ECT2L: variants seen among roughly 807,000 people sequenced by gnomAD.
ECT2L encodes the protein epithelial cell-transforming sequence 2 oncogene-like.
A neutral mutation model predicts 122.8 loss-of-function variants in ECT2L; 126 were observed. The ratio of observed to expected loss-of-function variants is 1.03; its 90% CI spans 0.89 to 1.19. The LOEUF (loss-of-function observed/expected upper bound fraction) is 1.19. Ranked by LOEUF, ECT2L falls within the 50% of genes most tolerant of loss-of-function variation. ECT2L has a pLI of 0.00. For missense variants in ECT2L, 1,012 were observed against 1,064.1 expected (o/e 0.95, Z 0.68); for synonymous variants, 385 against 381.8 (o/e 1.01, Z -0.10).
chr6:138,797,887 TC>T (rs1417623618), intron 1 of ECT2L, among the ~76,000 whole-genome samples: 1 of 152,150 alleles, frequency 6.6e-6, no homozygotes, highest in African/African-American at 2.4e-5. Flanking sequence ...CAATCACAAG[TC>T]CCAGGTTGTG....
chr6:138,844,579 C>T lies in ECT2L; in HGVS notation c.763C>T (p.Arg255Ter), dbSNP rs753798507. ...GACATCGTTAGAAACCTTGCCCAAG[C>T]GGTAAGCAAAATTCCATCTACTGAA... ...VLTSLETLPK[R>*]SNISGSHSYP... is the part of the protein sequence containing the mutation. The change falls in exon 7 of 22, where the codon CGA becomes TGA. Residue 255 changes from arginine to a stop codon, truncating the protein, a stop_gained and splice_region_variant. Transcript: ENST00000541398. LOFTEE classifies it high-confidence loss of function. 1.1e-5 allele frequency: 17 copies of T among 1,613,548 alleles called. No homozygotes were observed. The highest frequency in any genetic ancestry group is 6.7e-5 in the Admixed American group (4 of 59,946).
chr6:138,808,879 A>AC (rs773314368), intron 1 of ECT2L, among the ~76,000 whole-genome samples: 3 of 151,848 alleles, frequency 2.0e-5, no homozygotes, highest in Non-Finnish European at 4.4e-5. Context: ...GGCATGCACC[A>AC]CCATGCCCAG....
At chr6:138,847,742 T>C (rs1054433804) in intron 8 of ECT2L, among the ~76,000 whole-genome samples, 1 of 152,168 alleles carries the variant, frequency 6.6e-6, no homozygotes, top group African/African-American at 2.4e-5. Context: ...AGTGTCAAAG[T>C]TGCAAACAAT....
intron 12 of ECT2L, 93 bp from the exon 13 acceptor site, chr6:138,868,010 A>AAG (rs1778110339): frequency 1.2e-6 from 1 of 803,130 alleles, no homozygotes; most frequent in East Asian, 3.1e-5. Context: ...AAAAAAAAAA[A>AAG]AAAAAAAAAG....
intron 1 of ECT2L, among the ~76,000 whole-genome samples, chr6:138,801,475 G>A (rs754511180): frequency 6.6e-6 from 1 of 152,188 alleles, no homozygotes; most frequent in Non-Finnish European, 1.5e-5. Context: ...ACAGAGGCCA[G>A]GTGCGGTGGC....
intron 20 of ECT2L, among the ~76,000 whole-genome samples, chr6:138,891,674 G>GT (rs1779031986): frequency 6.6e-6 from 1 of 152,148 alleles, no homozygotes; most frequent in South Asian, 2.1e-4. Flanking sequence ...ATTGATTGAT[G>GT]TTTGCCTGTA....
intron 4 of ECT2L, among the ~76,000 whole-genome samples, chr6:138,815,037 T>C (rs1044808594): frequency 6.6e-6 from 1 of 152,262 alleles, no homozygotes; most frequent in African/African-American, 2.4e-5. Flanking sequence ...GCAAGACTTA[T>C]ACAGCCCTAG....
chr6:138,897,997 C>A (rs1239242834), intron 20 of ECT2L, among the ~76,000 whole-genome samples: 1 of 152,022 alleles, frequency 6.6e-6, no homozygotes, highest in Admixed American at 6.6e-5. Context: ...AGTTTTATTA[C>A]AGATTTAAAC....
intron 1 of ECT2L, among the ~76,000 whole-genome samples, chr6:138,812,558 C>T (rs920303662): frequency 6.6e-6 from 1 of 152,172 alleles, no homozygotes; most frequent in Admixed American, 6.5e-5. Flanking sequence ...AATCCCAGCA[C>T]TTTGAGAGGC....
At chr6:138,804,114 G>A (rs1459209550) in intron 1 of ECT2L, among the ~76,000 whole-genome samples, 1 of 152,164 alleles carries the variant, frequency 6.6e-6, no homozygotes, top group Non-Finnish European at 1.5e-5. Flanking sequence ...CGAGAGCTGT[G>A]GAGTGATTTT....
intron 4 of ECT2L, chr6:138,822,766 A>T: frequency 6.3e-7 from 1 of 1,598,586 alleles, no homozygotes; most frequent in Non-Finnish European, 8.5e-7. Flanking sequence ...GAACAGAACC[A>T]GTCAACAGAT....
chr6:138,849,483 CACTTTGTCCACAGTGTG>C (rs751374159), intron 9 of ECT2L, 49 bp downstream of exon 9: 1 of 1,526,408 alleles, frequency 6.6e-7, no homozygotes, highest in South Asian at 1.3e-5. Context: ...TCGCGCTGTG[CACTTTGTCCACAGTGTG>C]ACTTCCGGAG....
chr6:138,806,247 T>C (rs577578396), intron 1 of ECT2L, among the ~76,000 whole-genome samples: 2 of 152,340 alleles, frequency 1.3e-5, no homozygotes, highest in South Asian at 4.1e-4. Context: ...TTCTTGGTCC[T>C]TCTTACTTCA....
chr6:138,857,881 G>A (rs1170894424), intron 10 of ECT2L, among the ~76,000 whole-genome samples: 6 of 152,096 alleles, frequency 3.9e-5, no homozygotes, highest in African/African-American at 1.4e-4. Context: ...AAGGAAACAG[G>A]TTTACTTGAC....
chr6:138,873,083 C>T lies in ECT2L; in HGVS notation c.1579-3389C>T, dbSNP rs541628630. ...AAGTCTTTTCAACTGGCTATTGATCCGAACAGCTCATTATGTTCATAAAAT... is the reference window on the plus strand; with the variant it reads ...AAGTCTTTTCAACTGGCTATTGATCTGAACAGCTCATTATGTTCATAAAAT... On this transcript the variant is annotated intron_variant, in intron 13 of 21. Transcript: ENST00000541398. Among the ~76,000 whole-genome samples the T allele has an allele frequency of 1.0e-3, 154 of 152,204 alleles. 3 individuals are homozygous for T. In the South Asian group the frequency reaches 0.03, roughly 30 times the overall value.
intron 19 of ECT2L, among the ~76,000 whole-genome samples, chr6:138,887,826 A>T (rs1472011455): frequency 6.6e-6 from 1 of 152,176 alleles, no homozygotes; most frequent in Non-Finnish European, 1.5e-5. Flanking sequence ...TATTCATTCT[A>T]TAAAAATCTA....
intron 11 of ECT2L, among the ~76,000 whole-genome samples, chr6:138,863,527 C>T (rs1777911697): frequency 6.6e-6 from 1 of 152,100 alleles, no homozygotes; most frequent in Non-Finnish European, 1.5e-5. Context: ...AACGGTAGCA[C>T]ATTTGGCTCT....
chr6:138,844,131 T>A (rs1405716095), intron 6 of ECT2L, among the ~76,000 whole-genome samples: 1 of 152,188 alleles, frequency 6.6e-6, no homozygotes, highest in Non-Finnish European at 1.5e-5. Context: ...AGGGCACAAA[T>A]GAATGTGACA....
chr6:138,809,883 A>T (rs1239582669), intron 1 of ECT2L, among the ~76,000 whole-genome samples: 1 of 152,174 alleles, frequency 6.6e-6, no homozygotes, highest in Non-Finnish European at 1.5e-5. Flanking sequence ...AACAACAGCA[A>T]CACATTCTAT....
Sources: allele counts gnomAD v4.1 joint callset (sites outside exome capture counted in the v4.1 genomes callset), GRCh38; gene constraint gnomAD v4.1.1; transcripts MANE v1.5; gene names NCBI Gene and HGNC (gene_info 2026-07-23, HGNC 2026-07-21).